Variants in SEMA4D observed in about 807,000 individuals in gnomAD.
The protein encoded by SEMA4D is semaphorin 4D, also known as semaphorin-4D.
In SEMA4D, 22 loss-of-function variants were observed where a neutral mutation model predicts 74.8. The ratio of observed to expected loss-of-function variants is 0.29; its 90% CI spans 0.21 to 0.42. The LOEUF is 0.42. Ranked by LOEUF, SEMA4D falls within the 10% of genes least tolerant of loss-of-function variation. The pLI is 1.00. For missense variants in SEMA4D, 937 were observed against 1,118.4 expected, an observed-to-expected ratio of 0.84 and a Z score of 2.31; for synonymous variants, 445 against 463.7, an observed-to-expected ratio of 0.96 and a Z score of 0.52.
intron 7 of SEMA4D, 81 bp from the exon 8 acceptor site, chr9:89,392,617 C>T (rs923788022): frequency 3.3e-5 from 29 of 868,204 alleles, no homozygotes; most frequent in Non-Finnish European, 4.4e-5. Context: ...ACATTCAACA[C>T]GGTGTTTTCC....
intron 16 of SEMA4D, among the ~76,000 whole-genome samples, chr9:89,370,266 TGTG>T (rs1564493747): frequency 6.6e-6 from 1 of 151,354 alleles, no homozygotes; most frequent in African/African-American, 2.4e-5. Context: ...GTGTGTGTGT[TGTG>T]TGGTGGACAT....
chr9:89,380,315 G>A (rs1224802575), intron 15 of SEMA4D, among the ~76,000 whole-genome samples: 3 of 152,086 alleles, frequency 2.0e-5, no homozygotes, highest in South Asian at 4.2e-4. Context: ...TTACAGGCAT[G>A]AGCCACTGTG....
rs745313350 is a variant in SEMA4D at position 89,387,506 on chromosome 9, C to T, written c.1210G>A (p.Val404Ile). The change falls in exon 12 of 16, where the codon GTA becomes ATA. Residue 404 changes from valine to isoleucine, a missense_variant. Physicochemically the swap from Val to Ile is conservative, Grantham distance 29 (BLOSUM62 3). Coordinates refer to ENST00000422704, the MANE Select transcript of SEMA4D (RefSeq NM_001371194.2). ...CTGGGCCTGTTGTCTATTGGGGTTA[C>T]CGAGTCATCCATCAAAGGGTGGTCT... ...VKDHPLMDDS[V>I]TPIDNRPRLI... is the part of the protein sequence containing the mutation. 7 of 1,614,210 alleles carry T rather than the reference C, an allele frequency of 4.3e-6. No individual in the cohort carries two copies. In the East Asian group the frequency reaches 1.6e-4, roughly 36 times the overall value.
At chr9:89,389,953 G>T (rs766187951) in intron 9 of SEMA4D, among the ~76,000 whole-genome samples, 7 of 152,130 alleles carry the variant, frequency 4.6e-5, no homozygotes, top group Non-Finnish European at 7.3e-5. Flanking sequence ...GGAGCTGTGG[G>T]GCCTAAGCTC....
chr9:89,485,672 C>A (rs1825126195), intron 1 of SEMA4D, among the ~76,000 whole-genome samples: 1 of 151,608 alleles, frequency 6.6e-6, no homozygotes, highest in South Asian at 2.1e-4. Context: ...CCTGTAATCC[C>A]AGCTACTTGG....
At chr9:89,483,499 G>A (rs1025520978) in intron 1 of SEMA4D, among the ~76,000 whole-genome samples, 2 of 152,154 alleles carry the variant, frequency 1.3e-5, no homozygotes, top group Non-Finnish European at 2.9e-5. Flanking sequence ...GTCAGCCAAC[G>A]TGAGAAATAA....
At chr9:89,374,945 A>AG (rs1307031258), downstream of SEMA4D, among the ~76,000 whole-genome samples, 1 of 152,146 alleles carries the variant, frequency 6.6e-6, no homozygotes, top group Non-Finnish European at 1.5e-5. Context: ...CCCAGCTACT[A>AG]GGGGGGCTGA....
At chr9:89,434,162 T>C (rs1849885276) in intron 2 of SEMA4D, among the ~76,000 whole-genome samples, 1 of 152,154 alleles carries the variant, frequency 6.6e-6, no homozygotes, top group South Asian at 2.1e-4. Flanking sequence ...AGCAGTAATG[T>C]GCGACAAGGT....
intron 2 of SEMA4D, among the ~76,000 whole-genome samples, chr9:89,408,181 A>G (rs1210247075): frequency 1.3e-5 from 2 of 152,264 alleles, no homozygotes; most frequent in Non-Finnish European, 2.9e-5. Context: ...TAACTAATCA[A>G]TTAGCATCTG....
At chr9:89,439,760 GAGTA>G (rs1037578996) in intron 2 of SEMA4D, among the ~76,000 whole-genome samples, 36 of 152,130 alleles carry the variant, frequency 2.4e-4, no homozygotes, top group Non-Finnish European at 2.9e-5. Context: ...AAAAAAGCAA[GAGTA>G]AGTGTCTATT....
exon 17 of SEMA4D, chr9:89,363,904 C>T (rs748405805): frequency 6.2e-6 from 10 of 1,613,992 alleles, no homozygotes; most frequent in Non-Finnish European, 8.5e-6. Context: ...CACAGGTCTC[C>T]AGAGCTCGCC....
rs111875282 is a variant in SEMA4D at position 89,459,839 on chromosome 9, G to A, written c.-309-3886C>T. Among the ~76,000 whole-genome samples the A allele has an allele frequency of 7.0e-3, 1,062 of 152,320 alleles. 6 individuals carry two copies. Among genetic ancestry groups the A allele is most frequent in the Non-Finnish European group, 0.01 (705 of 68,020 alleles). Reference sequence around the variant, plus strand: ...ATTTGAGGGCCCATGTGGCTAACACGAGGGAGCCCAGGCCAGCATTCAGTT... The same window carrying A: ...ATTTGAGGGCCCATGTGGCTAACACAAGGGAGCCCAGGCCAGCATTCAGTT... On this transcript the variant is annotated intron_variant, in intron 1 of 15. Coordinates refer to ENST00000422704, the MANE Select transcript of SEMA4D (RefSeq NM_001371194.2).
chr9:89,432,249 TAAG>T (rs527431339), intron 2 of SEMA4D, among the ~76,000 whole-genome samples: 260 of 152,340 alleles, frequency 1.7e-3, no homozygotes, highest in African/African-American at 5.9e-3. Flanking sequence ...ACCACTAATA[TAAG>T]TAGTATTATA....
chr9:89,383,671 A>C (rs928032132), intron 13 of SEMA4D, among the ~76,000 whole-genome samples: 1 of 152,198 alleles, frequency 6.6e-6, no homozygotes, highest in South Asian at 2.1e-4. Flanking sequence ...CACACTGGCT[A>C]TGTGAGACAT....
chr9:89,403,320 C>T (rs929042920), intron 3 of SEMA4D, among the ~76,000 whole-genome samples: 2 of 152,232 alleles, frequency 1.3e-5, no homozygotes, highest in East Asian at 3.8e-4. Flanking sequence ...CCTGCTCCCT[C>T]AGATCCCAGA....
chr9:89,428,696 T>C (rs1848615395), intron 2 of SEMA4D, among the ~76,000 whole-genome samples: 1 of 152,150 alleles, frequency 6.6e-6, no homozygotes, highest in African/African-American at 2.4e-5. Flanking sequence ...ACCAGGGCAA[T>C]GGCCCCCGGC....
At chr9:89,393,723 T>C (rs1840327542) in intron 6 of SEMA4D, 68 bp from the exon 7 acceptor site, 1 of 1,231,944 alleles carries the variant, frequency 8.1e-7, no homozygotes, top group Admixed American at 1.7e-5. Flanking sequence ...TGTGTCTCTG[T>C]ACCACTTCAT....
intron 16 of SEMA4D, chr9:89,363,956 G>T: frequency 6.2e-7 from 1 of 1,614,026 alleles, no homozygotes; most frequent in Non-Finnish European, 8.5e-7. Context: ...AGGACCTGGG[G>T]ACACAGACCG....
At chr9:89,406,695 C>T (rs1237676733) in intron 2 of SEMA4D, among the ~76,000 whole-genome samples, 2 of 152,198 alleles carry the variant, frequency 1.3e-5, no homozygotes, top group East Asian at 1.9e-4. Flanking sequence ...AAACAGTTCA[C>T]TCAAAACAGC....
Sources: gnomAD v4.1 joint callset for allele counts (sites outside exome capture counted in the v4.1 genomes callset) on GRCh38, gnomAD v4.1.1 for gene constraint, MANE v1.5 for transcripts, NCBI Gene and HGNC (gene_info 2026-07-23, HGNC 2026-07-21) for gene names.